AGPAT3: variants seen among roughly 807,000 people sequenced by gnomAD.
AGPAT3 encodes the protein 1-acylglycerol-3-phosphate O-acyltransferase 3, also known as 1-acyl-sn-glycerol-3-phosphate acyltransferase gamma.
Under a neutral mutation model 47.3 loss-of-function variants are expected in AGPAT3, and 5 were observed. The ratio of observed to expected loss-of-function variants is 0.11; its 90% confidence interval spans 0.06 to 0.22. AGPAT3 has a LOEUF of 0.22. Among genes scored for constraint, AGPAT3 ranks in the 10% least tolerant of loss-of-function variants. The pLI is 1.00. For missense variants in AGPAT3, 315 were observed against 493.0 expected, an observed-to-expected ratio of 0.64 and a Z score of 3.42; for synonymous variants, 212 against 208.3, an observed-to-expected ratio of 1.02 and a Z score of -0.15.
At chr21:43,876,098 T>C (rs1400693328) in intron 1 of AGPAT3, among the ~76,000 whole-genome samples, 1 of 152,142 alleles carries the variant, frequency 6.6e-6, no homozygotes, top group Non-Finnish European at 1.5e-5. Context: ...TTCTTTTAAT[T>C]TTCATTTTTT....
At position 43,954,082 on chromosome 21, in the gene AGPAT3, G is replaced by A. The variant is rs904960326; in HGVS notation, c.-48-5552G>A. ...GGGGATGCATAATTTCCTAAAAATC[G>A]CTCTCATGGGCTCACGAGCAAATGC... On this transcript the variant is annotated intron_variant, in intron 2 of 9. Transcript: ENST00000291572. This position sits in a 1 kb window ranked among gnomAD's most constrained non-coding sequence, Gnocchi z 4.0. Among the ~76,000 whole-genome samples, 6 of 152,210 alleles carry A rather than the reference G, an allele frequency of 3.9e-5. No individual in the cohort carries two copies. Among genetic ancestry groups the A allele is most frequent in the African/African-American group, 7.2e-5 (3 of 41,456 alleles).
At chr21:43,976,327 G>A (rs1370108993) in intron 7 of AGPAT3, among the ~76,000 whole-genome samples, 2 of 152,086 alleles carry the variant, frequency 1.3e-5, no homozygotes, top group Non-Finnish European at 1.5e-5. Context: ...GGCCTCTCGA[G>A]TAGCTGGGAT....
At chr21:43,966,457 C>T (rs2089134952) in intron 3 of AGPAT3, 1 of 152,310 alleles carries the variant, frequency 6.6e-6, no homozygotes, top group African/African-American at 2.4e-5. Flanking sequence ...CTCCCGTCCA[C>T]TGCCTCTGCC....
intron 2 of AGPAT3, among the ~76,000 whole-genome samples, chr21:43,956,974 ACCTTTCG>A (rs2088501323): frequency 6.6e-6 from 1 of 152,132 alleles, no homozygotes; most frequent in Non-Finnish European, 1.5e-5. Flanking sequence ...AGACCCCTCC[ACCTTTCG>A]AGGGGAGGAG....
intron 2 of AGPAT3, among the ~76,000 whole-genome samples, chr21:43,912,178 G>A (rs1420516968): frequency 6.6e-6 from 1 of 152,252 alleles, no homozygotes; most frequent in African/African-American, 2.4e-5. Flanking sequence ...GCAACACGTG[G>A]GCCCGAGCTG....
chr21:43,918,763 G>A (rs1601305453), intron 2 of AGPAT3, among the ~76,000 whole-genome samples: 1 of 152,298 alleles, frequency 6.6e-6, no homozygotes. Flanking sequence ...TTTTAGTAGA[G>A]ATGGGGTTTC....
At chr21:43,971,599 G>A (rs905091568) in intron 7 of AGPAT3, 109 bp downstream of exon 7, 31 of 997,150 alleles carry the variant, frequency 3.1e-5, no homozygotes, top group African/African-American at 1.9e-4. Flanking sequence ...CCACAGCCCC[G>A]CAGGGTGGAA....
rs1050433206 is a variant in AGPAT3 at position 43,954,593 on chromosome 21, C to A, written c.-48-5041C>A. The A allele has an allele frequency of 1.3e-5, 2 of 152,358 alleles. No homozygotes were observed. The highest frequency in any genetic ancestry group is 4.8e-5 in the African/African-American group (2 of 41,468). 9.4% of individuals were successfully genotyped at this position (152,358 alleles called of 1,614,324 possible). A position where few individuals can be genotyped will look rare whatever the true frequency, so the allele number is the denominator to read the frequency against. On this transcript the variant is annotated intron_variant, in intron 2 of 9. Coordinates refer to ENST00000291572, the MANE Select transcript of AGPAT3 (RefSeq NM_020132.5). The surrounding 1 kb of genome is among the most constrained non-coding windows in gnomAD (Gnocchi z 4.0). ...GTTGATGATCCGGGCAGGTGGCCTTCAGCGAGGGAGCACGTCAAAAGGCTG... is the reference window on the plus strand; with the variant it reads ...GTTGATGATCCGGGCAGGTGGCCTTAAGCGAGGGAGCACGTCAAAAGGCTG...
intron 1 of AGPAT3, among the ~76,000 whole-genome samples, chr21:43,889,122 GTTTTCC>G (rs2086045680): frequency 6.6e-6 from 1 of 152,020 alleles, no homozygotes; most frequent in Admixed American, 6.5e-5. Flanking sequence ...CAACAGATTT[GTTTTCC>G]TTTTCAGTCC....
At position 43,920,851 on chromosome 21, in the gene AGPAT3, C is replaced by T. The variant is rs911685397; in HGVS notation, c.-49+16832C>T. Among the ~76,000 whole-genome samples, 16 of 151,328 alleles carry T rather than the reference C, an allele frequency of 1.1e-4. No individual in the cohort carries two copies. Among genetic ancestry groups the T allele is most frequent in the African/African-American group, 3.4e-4 (14 of 41,104 alleles). On this transcript the variant is annotated intron_variant, in intron 2 of 9. Coordinates refer to ENST00000291572, the MANE Select transcript of AGPAT3 (RefSeq NM_020132.5). This position sits in a 1 kb window ranked among gnomAD's most constrained non-coding sequence, Gnocchi z 6.1. ...ATAAAAACCAGTAAATGAGGCCAGG[C>T]GCGGTGGCTCACGCCTGTAATCCCA...
chr21:43,927,910 G>A (rs1427376133), intron 2 of AGPAT3, among the ~76,000 whole-genome samples: 1 of 152,214 alleles, frequency 6.6e-6, no homozygotes, highest in East Asian at 1.9e-4. Flanking sequence ...AGGTACCCCA[G>A]CCTATAGGAG....
At chr21:43,910,478 G>A (rs1212620943) in intron 2 of AGPAT3, among the ~76,000 whole-genome samples, 1 of 152,212 alleles carries the variant, frequency 6.6e-6, no homozygotes, top group Non-Finnish European at 1.5e-5. Flanking sequence ...TAGTGAATTA[G>A]GTGAATACAG....
chr21:43,897,521 G>T (rs528920619), intron 1 of AGPAT3, among the ~76,000 whole-genome samples: 3 of 151,836 alleles, frequency 2.0e-5, no homozygotes, highest in Non-Finnish European at 2.9e-5. Flanking sequence ...CAGGGCGGCC[G>T]GGCAGAGGCG....
At chr21:43,869,797 C>T (rs530689988) in intron 1 of AGPAT3, among the ~76,000 whole-genome samples, 12 of 152,356 alleles carry the variant, frequency 7.9e-5, no homozygotes, top group Non-Finnish European at 1.8e-4. Flanking sequence ...CCTGTCTCCT[C>T]ACCTGTCACC....
At chr21:43,931,991 A>T (rs937263928) in intron 2 of AGPAT3, among the ~76,000 whole-genome samples, 1 of 150,922 alleles carries the variant, frequency 6.6e-6, no homozygotes, top group South Asian at 2.1e-4. Flanking sequence ...CCTATTTGTC[A>T]TCTATCTATA....
At chr21:43,892,266 C>T (rs1158162104) in intron 1 of AGPAT3, among the ~76,000 whole-genome samples, 1 of 151,314 alleles carries the variant, frequency 6.6e-6, no homozygotes, top group Non-Finnish European at 1.5e-5. Context: ...GAGATCATGC[C>T]ACTGCACTCC....
intron 1 of AGPAT3, among the ~76,000 whole-genome samples, chr21:43,890,301 A>G (rs531482874): frequency 2.0e-5 from 3 of 152,298 alleles, no homozygotes; most frequent in East Asian, 3.9e-4. Flanking sequence ...TGCCTCCGTC[A>G]TGATGGTAGA....
chr21:43,877,585 G>A (rs1445719398), intron 1 of AGPAT3, among the ~76,000 whole-genome samples: 1 of 152,134 alleles, frequency 6.6e-6, no homozygotes, highest in Non-Finnish European at 1.5e-5. Flanking sequence ...CGGGATTACA[G>A]GCATGCACCA....
chr21:43,888,996 AAAC>A (rs1489476264), intron 1 of AGPAT3, among the ~76,000 whole-genome samples: 3 of 152,120 alleles, frequency 2.0e-5, no homozygotes, highest in East Asian at 3.9e-4. Context: ...CTCAAAAAAA[AAAC>A]AAAGTTTCTT....
Sources: gnomAD v4.1 joint callset for allele counts (sites outside exome capture counted in the v4.1 genomes callset) on GRCh38, gnomAD v4.1.1 for gene constraint, Gnocchi (gnomAD v3.1) non-coding constraint, MANE v1.5 for transcripts, NCBI Gene and HGNC (gene_info 2026-07-23, HGNC 2026-07-21) for gene names.